PDE10A: variants seen among roughly 807,000 people sequenced by gnomAD.
PDE10A encodes cAMP and cAMP-inhibited cGMP 3',5'-cyclic phosphodiesterase 10A.
Under a neutral mutation model 97.7 loss-of-function variants are expected in PDE10A, and 39 were observed. The ratio of observed to expected loss-of-function variants is 0.40; its 90% CI spans 0.31 to 0.52. The LOEUF is 0.52. PDE10A is among the 20% of genes least tolerant of loss of function. The pLI is 0.56. For synonymous variants in PDE10A, 371 were observed against 376.8 expected (o/e 0.98, Z 0.18); for missense variants, 731 against 1,047.8 (o/e 0.70, Z 4.17).
At chr6:165,646,923 G>A (rs548189483) in intron 1 of PDE10A, among the ~76,000 whole-genome samples, 1 of 152,272 alleles carries the variant, frequency 6.6e-6, no homozygotes, top group South Asian at 2.1e-4. Flanking sequence ...ATTATTTGCA[G>A]AATTTTTAAT....
intron 1 of PDE10A, among the ~76,000 whole-genome samples, chr6:165,813,486 C>T (rs1779333404): frequency 6.6e-6 from 1 of 152,122 alleles, no homozygotes; most frequent in Admixed American, 6.5e-5. Flanking sequence ...GAAAGAAAAA[C>T]ATTGACGATC....
At chr6:165,542,897 C>T (rs1783536087) in intron 2 of PDE10A, among the ~76,000 whole-genome samples, 1 of 152,058 alleles carries the variant, frequency 6.6e-6, no homozygotes, top group African/African-American at 2.4e-5. Flanking sequence ...GGATTACAGG[C>T]GTGAGCCACT....
At chr6:165,940,487 C>T (rs1783478345) in intron 1 of PDE10A, 1 of 152,298 alleles carries the variant, frequency 6.6e-6, no homozygotes, top group Non-Finnish European at 1.5e-5. Flanking sequence ...AAGTTCCCGC[C>T]ATGCTCTGGC....
intron 18 of PDE10A, among the ~76,000 whole-genome samples, chr6:165,375,811 T>G (rs1784572680): frequency 6.6e-6 from 1 of 152,210 alleles, no homozygotes; most frequent in African/African-American, 2.4e-5. Flanking sequence ...AGAATTATGC[T>G]AAGTCAATTC....
At chr6:165,384,452 T>G (rs371214974) in intron 17 of PDE10A, among the ~76,000 whole-genome samples, 4 of 152,142 alleles carry the variant, frequency 2.6e-5, no homozygotes, top group African/African-American at 7.2e-5. Flanking sequence ...ACTGACCTTC[T>G]CTGCAGATGC....
At chr6:165,525,773 T>A (rs1782404830) in intron 2 of PDE10A, among the ~76,000 whole-genome samples, 1 of 152,084 alleles carries the variant, frequency 6.6e-6, no homozygotes, top group South Asian at 2.1e-4. Flanking sequence ...GTGTAGATAC[T>A]ATAATGGACA....
At chr6:165,783,698 C>T (rs561264619) in intron 1 of PDE10A, among the ~76,000 whole-genome samples, 43 of 152,294 alleles carry the variant, frequency 2.8e-4, no homozygotes, top group African/African-American at 9.9e-4. Context: ...CCTTACCAGC[C>T]GTTACTAGCC....
At chr6:165,456,626 G>C (rs922896899) in intron 3 of PDE10A, among the ~76,000 whole-genome samples, 2 of 152,134 alleles carry the variant, frequency 1.3e-5, no homozygotes, top group Admixed American at 6.5e-5. Context: ...TCACGTCTCT[G>C]GGCTTTAGTT....
chr6:165,723,766 G>A (rs765788620), intron 1 of PDE10A, among the ~76,000 whole-genome samples: 10 of 152,062 alleles, frequency 6.6e-5, no homozygotes, highest in Admixed American at 2.6e-4. Flanking sequence ...ATTCTGTTTC[G>A]GACTAGTTGC....
chr6:165,625,391 T>C (rs1274516180), intron 1 of PDE10A, among the ~76,000 whole-genome samples: 1 of 152,240 alleles, frequency 6.6e-6, no homozygotes, highest in Non-Finnish European at 1.5e-5. Flanking sequence ...TGAGGTGTGA[T>C]ACTAAGAGTG....
chr6:165,755,134 G>T (rs1793088018), intron 1 of PDE10A, among the ~76,000 whole-genome samples: 1 of 152,186 alleles, frequency 6.6e-6, no homozygotes, highest in Admixed American at 6.5e-5. Context: ...TCTACTCATA[G>T]AAAACAGGGT....
chr6:165,487,701 C>T (rs1779999543), intron 2 of PDE10A, among the ~76,000 whole-genome samples: 1 of 152,070 alleles, frequency 6.6e-6, no homozygotes, highest in Non-Finnish European at 1.5e-5. Context: ...AATAAGTTAA[C>T]AATATAAATT....
intron 1 of PDE10A, among the ~76,000 whole-genome samples, chr6:165,613,215 TG>T (rs1426794823): frequency 6.6e-6 from 1 of 152,238 alleles, no homozygotes; most frequent in Non-Finnish European, 1.5e-5. Flanking sequence ...TATACTTTTT[TG>T]CATGTGTTCA....
intron 1 of PDE10A, among the ~76,000 whole-genome samples, chr6:165,675,792 C>T (rs1253598967): frequency 6.6e-6 from 1 of 152,174 alleles, no homozygotes; most frequent in African/African-American, 2.4e-5. Flanking sequence ...AAGACAAAAA[C>T]TCCTGCTCCT....
At position 165,534,831 on chromosome 6, in the gene PDE10A, A is replaced by G. The variant is rs79048945; in HGVS notation, c.994+8609T>C. Among the ~76,000 whole-genome samples the G allele has an allele frequency of 5.0e-3, 755 of 152,196 alleles. 4 individuals are homozygous for G. Among genetic ancestry groups the G allele is most frequent in the African/African-American group, 0.017 (708 of 41,562 alleles). On this transcript the variant is annotated intron_variant, in intron 2 of 21. Coordinates refer to ENST00000539869, the MANE Select transcript of PDE10A (RefSeq NM_001385079.1). ...TAAAGGCCATATACAACAAACCTAT[A>G]GCTAGCATGACACTGAACAGGGAAA...
chr6:165,469,513 G>A (rs928041029), intron 3 of PDE10A, among the ~76,000 whole-genome samples: 3 of 152,108 alleles, frequency 2.0e-5, no homozygotes, highest in South Asian at 2.1e-4. Flanking sequence ...TTTTCTCTCC[G>A]GTTTTCACAA....
At chr6:165,556,657 A>G (rs946254767) in intron 1 of PDE10A, among the ~76,000 whole-genome samples, 3 of 152,220 alleles carry the variant, frequency 2.0e-5, no homozygotes, top group Non-Finnish European at 4.4e-5. Flanking sequence ...CCTAATGCTA[A>G]GTAAATACAT....
At position 165,418,833 on chromosome 6, in the gene PDE10A, G is replaced by A. The variant is rs1228425560; in HGVS notation, c.1654-56C>T. 2 of 1,455,510 alleles carry A rather than the reference G, an allele frequency of 1.4e-6. No homozygotes were observed. The highest frequency in any genetic ancestry group is 1.9e-6 in the Non-Finnish European group (2 of 1,049,382). The allele number at this position is 1,455,510 out of a possible 1,614,324, so 90.2% of individuals were successfully genotyped here. On this transcript the variant is annotated intron_variant, in intron 10 of 21. Transcript: ENST00000539869. This position sits in a 1 kb window ranked among gnomAD's most constrained non-coding sequence, Gnocchi z 4.8. Reference sequence around the variant, plus strand: ...CAATGAGACATTCAAAGAACTTGCAGGTAAACTTTATCATAAAATAAGTAT... The same window carrying A: ...CAATGAGACATTCAAAGAACTTGCAAGTAAACTTTATCATAAAATAAGTAT...
At chr6:165,658,983 T>C (rs1790100155) in intron 1 of PDE10A, among the ~76,000 whole-genome samples, 1 of 152,208 alleles carries the variant, frequency 6.6e-6, no homozygotes, top group African/African-American at 2.4e-5. Context: ...AGCAGCTTCG[T>C]AGCTTCTACT....
Sources: gnomAD v4.1 joint callset for allele counts (sites outside exome capture counted in the v4.1 genomes callset) on GRCh38, gnomAD v4.1.1 for gene constraint, Gnocchi (gnomAD v3.1) non-coding constraint, MANE v1.5 for transcripts, NCBI Gene and HGNC (gene_info 2026-07-23, HGNC 2026-07-21) for gene names.